ANKAR: variants seen among roughly 807,000 people sequenced by gnomAD.
ANKAR encodes the protein ankyrin and armadillo repeat-containing protein.
In ANKAR, 136 loss-of-function variants were observed where a neutral mutation model predicts 146.2. The observed-to-expected ratio is 0.93, with a 90% CI of 0.81 to 1.07. The LOEUF (loss-of-function observed/expected upper bound fraction) is 1.07. Among genes scored for constraint, ANKAR ranks in the 50% least tolerant of loss-of-function variants. ANKAR has a pLI of 0.00. For missense variants in ANKAR, 1,567 were observed against 1,679.9 expected, an observed-to-expected ratio of 0.93 and a Z score of 1.18; for synonymous variants, 500 against 575.8, an observed-to-expected ratio of 0.87 and a Z score of 1.88.
intron 18 of ANKAR, chr2:189,755,536 T>C (rs765162906): frequency 1.3e-6 from 2 of 1,599,980 alleles, no homozygotes; most frequent in Non-Finnish European, 1.7e-6. Flanking sequence ...GCTGTTGAGC[T>C]GCTGGAGGAA....
intron 7 of ANKAR, among the ~76,000 whole-genome samples, chr2:189,698,189 A>G (rs960623675): frequency 2.0e-5 from 3 of 152,210 alleles, no homozygotes; most frequent in African/African-American, 7.2e-5. Flanking sequence ...CTTATAGTAT[A>G]TAATCTCTAA....
chr2:189,757,918 A>G (rs982836409), intron 18 of ANKAR, among the ~76,000 whole-genome samples: 1 of 152,204 alleles, frequency 6.6e-6, no homozygotes, highest in Non-Finnish European at 1.5e-5. Context: ...TTTGCTGACA[A>G]TGCTCACTTA....
intron 18 of ANKAR, among the ~76,000 whole-genome samples, chr2:189,753,539 G>A (rs1203367593): frequency 7.9e-5 from 12 of 151,980 alleles, no homozygotes; most frequent in Admixed American, 7.9e-4. Flanking sequence ...ACCTCCCACT[G>A]CTAAATTTGA....
intron 20 of ANKAR, among the ~76,000 whole-genome samples, chr2:189,741,653 CTAAT>C (rs1417409498): frequency 4.6e-5 from 7 of 152,142 alleles, no homozygotes; most frequent in Admixed American, 1.3e-4. Context: ...TTTTCTAATA[CTAAT>C]TAGTCATACA....
chr2:189,686,530 T>C (rs920240862), intron 2 of ANKAR, among the ~76,000 whole-genome samples: 17 of 152,190 alleles, frequency 1.1e-4, no homozygotes, highest in African/African-American at 3.9e-4. Context: ...GGCAGTTTCT[T>C]TGTTTATTAT....
At chr2:189,760,112 A>G (rs1376822448) in intron 18 of ANKAR, among the ~76,000 whole-genome samples, 2 of 152,156 alleles carry the variant, frequency 1.3e-5, no homozygotes, top group Non-Finnish European at 1.5e-5. Flanking sequence ...AGGCAGAAGG[A>G]TTTTTCTTAG....
rs531136458 is a variant in ANKAR at position 189,682,024 on chromosome 2, C to T, written c.601+4933C>T. Among the ~76,000 whole-genome samples, 17 of 152,292 alleles carry T rather than the reference C, an allele frequency of 1.1e-4. No individual in the cohort carries two copies. The South Asian group carries it at 3.5e-3, about 32-fold the overall frequency. ...TTTTAAAAATTGTTCTTAAATGAGG[C>T]TGGGAACCTTAACAAATCCAGTCAC... On this transcript the variant is annotated intron_variant, in intron 2 of 22. Coordinates refer to ENST00000684021, the MANE Select transcript of ANKAR (RefSeq NM_001378068.1).
rs769674554 is a variant in ANKAR at position 189,737,844 on chromosome 2, A to G, written c.3582+3A>G. 1.3e-6 allele frequency: 2 copies of G among 1,539,498 alleles called. No individual in the cohort carries two copies. The highest frequency in any genetic ancestry group is 1.7e-6 in the Non-Finnish European group (2 of 1,151,270). ...AGAAGGCAATGGCAGCATTTCAGGT[A>G]TAAAATTGAGATTAACACCTCAAAT... On this transcript the variant is annotated splice_donor_region_variant and intron_variant, in intron 18 of 22. Coordinates refer to ENST00000684021, the MANE Select transcript of ANKAR (RefSeq NM_001378068.1).
chr2:189,710,034 CCCT>C (rs2039479021), intron 9 of ANKAR, among the ~76,000 whole-genome samples: 1 of 152,164 alleles, frequency 6.6e-6, no homozygotes, highest in South Asian at 2.1e-4. Flanking sequence ...CAATAGCTCT[CCCT>C]CCTCACACTG....
chr2:189,746,685 T>C (rs916386631), downstream of ANKAR: 1 of 1,459,962 alleles, frequency 6.8e-7, no homozygotes, highest in South Asian at 1.4e-5. Context: ...TTTTTATTTT[T>C]AATAATGGTA....
downstream of ANKAR, among the ~76,000 whole-genome samples, chr2:189,750,836 A>G (rs1283963902): frequency 1.3e-5 from 2 of 152,222 alleles, no homozygotes; most frequent in African/African-American, 2.4e-5. Flanking sequence ...AATGAAAGCT[A>G]GTCTCATTAA....
At chr2:189,717,960 A>G (rs1052670374) in intron 10 of ANKAR, among the ~76,000 whole-genome samples, 6 of 152,162 alleles carry the variant, frequency 3.9e-5, no homozygotes, top group Non-Finnish European at 8.8e-5. Context: ...AGGGGGAGGG[A>G]CAGCATTAGG....
rs546578357 is a variant in ANKAR at position 189,689,876 on chromosome 2, G to A, written c.951G>A (p.Lys317=). The part of the protein sequence containing the change: ...KDIRRGIGYL[K]LICFLIPFLL... ...TCAGAAGAGGGATAGGATACCTAAAGTTAATATGTTTTCTGATTCCATTTC... is the reference window on the plus strand; with the variant it reads ...TCAGAAGAGGGATAGGATACCTAAAATTAATATGTTTTCTGATTCCATTTC... The change falls in exon 3 of 23, where the codon AAG becomes AAA. Residue 317 remains lysine, a synonymous_variant. Coordinates refer to ENST00000684021, the MANE Select transcript of ANKAR (RefSeq NM_001378068.1). The A allele has an allele frequency of 1.3e-6, 2 of 1,585,802 alleles. No homozygotes were observed. The highest frequency in any genetic ancestry group is 2.4e-5 in the South Asian group (2 of 85,042).
chr2:189,728,702 A>C lies in ANKAR; in HGVS notation c.3074A>C (p.His1025Pro), dbSNP rs2042118712. The change falls in exon 15 of 23, where the codon CAT becomes CCT. Residue 1025 changes from histidine to proline, a missense_variant. Transcript: ENST00000684021. Reference sequence around the variant, plus strand: ...GCTCTAAGTAAGGACAGCAGGATGCATCAAAATCAAATATGTGAAGGGAAT... The same window carrying C: ...GCTCTAAGTAAGGACAGCAGGATGCCTCAAAATCAAATATGTGAAGGGAAT... ...VIALSKDSRM[H>P]QNQICEGNGI... The C allele has an allele frequency of 1.2e-6, 2 of 1,613,972 alleles. No homozygotes were observed. Among genetic ancestry groups the C allele is most frequent in the African/African-American group, 2.7e-5 (2 of 74,934 alleles).
At position 189,677,016 on chromosome 2, in the gene ANKAR, C is replaced by T. The variant is rs1313349476; in HGVS notation, c.526C>T (p.Arg176Cys). Reference protein sequence around the residue: ...EKRARFSELWRAIMDIDPDGK... With the variant: ...EKRARFSELWCAIMDIDPDGK... Reference sequence around the variant, plus strand: ...ACGAGCTAGATTCTCTGAATTGTGGCGTGCCATCATGGACATTGATCCTGA... The same window carrying T: ...ACGAGCTAGATTCTCTGAATTGTGGTGTGCCATCATGGACATTGATCCTGA... Residue 176 changes from arginine to cysteine, a missense_variant, in exon 2 of 23, where the codon CGT (arginine) becomes TGT (cysteine). Physicochemically the swap from Arg to Cys is radical, Grantham distance 180. Transcript: ENST00000684021. 17 of 1,612,134 alleles carry T rather than the reference C, an allele frequency of 1.1e-5. No individual in the cohort carries two copies. Among genetic ancestry groups the T allele is most frequent in the African/African-American group, 8.0e-5 (6 of 74,936 alleles).
intron 15 of ANKAR, among the ~76,000 whole-genome samples, chr2:189,729,856 A>G (rs1203130644): frequency 6.6e-6 from 1 of 152,066 alleles, no homozygotes; most frequent in Non-Finnish European, 1.5e-5. Flanking sequence ...GGGTTAACCC[A>G]TTTACATAAA....
At position 189,705,159 on chromosome 2, in the gene ANKAR, C is replaced by T. The variant is rs142585987; in HGVS notation, c.1845C>T (p.Asn615=). 267 of 1,614,020 alleles carry T rather than the reference C, an allele frequency of 1.7e-4. No homozygotes were observed. In the East Asian group the frequency reaches 3.1e-3, roughly 19 times the overall value. The change falls in exon 8 of 23, where the codon AAC becomes AAT. Residue 615 remains asparagine, a synonymous_variant. Transcript: ENST00000684021. ...TTCACTTTGCCGCTTTCTATGACAA[C>T]GTTTGCATCATTATTGCTCTCTGTA... ...MPIHFAAFYD[N]VCIIIALCRK...
intron 20 of ANKAR, among the ~76,000 whole-genome samples, chr2:189,742,813 G>C (rs1489121599): frequency 7.6e-5 from 11 of 145,462 alleles, no homozygotes; most frequent in Non-Finnish European, 6.1e-5. Flanking sequence ...TCTTTCTTTG[G>C]TGGCACATTA....
In ANKAR at chr2:189,754,002, T is replaced by C. The variant is rs746967208; in HGVS notation, c.*585-7096T>C. The stretch of plus-strand genomic sequence containing the variant: ...GTTCTTTTCACAAGATGACATGCCA[T>C]TGTGTGCTGTACTGTGGCAGCAATG... On this transcript the variant is annotated intron_variant and NMD_transcript_variant, in intron 18 of 18. Coordinates refer to the ANKAR transcript ENST00000441800. The C allele has an allele frequency of 4.3e-6, 7 of 1,613,640 alleles. No individual in the cohort carries two copies. The highest frequency in any genetic ancestry group is 4.0e-5 in the African/African-American group (3 of 74,946).
Sources: allele counts gnomAD v4.1 joint callset (sites outside exome capture counted in the v4.1 genomes callset), GRCh38; gene constraint gnomAD v4.1.1; transcripts MANE v1.5; gene names NCBI Gene and HGNC (gene_info 2026-07-23, HGNC 2026-07-21).